Variants in DOCK3 observed in about 807,000 individuals in gnomAD.
DOCK3 encodes the protein dedicator of cytokinesis 3.
DOCK3 carries 60 observed loss-of-function variants against 265.6 expected under a neutral mutation model. The ratio of observed to expected loss-of-function variants is 0.23; its 90% confidence interval spans 0.18 to 0.28. The LOEUF (loss-of-function observed/expected upper bound fraction) is 0.28, where lower values mean the gene tolerates loss of function less well. Among genes scored for constraint, DOCK3 ranks in the 10% least tolerant of loss-of-function variants. DOCK3 has a pLI of 1.00. For synonymous variants in DOCK3, 881 were observed against 938.0 expected, an observed-to-expected ratio of 0.94 and a Z score of 1.11; for missense variants, 1,981 against 2,594.3, an observed-to-expected ratio of 0.76 and a Z score of 5.14.
chr3:50,776,868 A>ACC (rs2041631543), intron 1 of DOCK3, among the ~76,000 whole-genome samples: 1 of 152,250 alleles, frequency 6.6e-6, no homozygotes, highest in South Asian at 2.1e-4. Context: ...ATAAAGACAT[A>ACC]CCCAAGACTG....
intron 5 of DOCK3, among the ~76,000 whole-genome samples, chr3:50,999,059 A>G (rs1011954698): frequency 6.6e-6 from 1 of 152,228 alleles, no homozygotes; most frequent in Non-Finnish European, 1.5e-5. Context: ...AGTTAAAATT[A>G]TAGCTTATTG....
intron 1 of DOCK3, among the ~76,000 whole-genome samples, chr3:50,773,344 T>C (rs756383997): frequency 6.6e-6 from 1 of 151,592 alleles, no homozygotes; most frequent in African/African-American, 2.4e-5. Flanking sequence ...TAGAGGAAAA[T>C]GGGAAGCACT....
At chr3:51,337,666 C>T (rs1267201670) in intron 35 of DOCK3, among the ~76,000 whole-genome samples, 1 of 152,202 alleles carries the variant, frequency 6.6e-6, no homozygotes, top group Admixed American at 6.5e-5. Context: ...CTGCTCCTTT[C>T]CAGAGGAGCT....
intron 5 of DOCK3, among the ~76,000 whole-genome samples, chr3:51,048,039 C>T (rs1020512419): frequency 6.6e-6 from 1 of 152,032 alleles, no homozygotes; most frequent in African/African-American, 2.4e-5. Context: ...TACATCAAAC[C>T]AGTAATCCTG....
At chr3:51,338,475 C>T (rs993264059) in intron 36 of DOCK3, 56 bp downstream of exon 36, 3 of 1,541,706 alleles carry the variant, frequency 1.9e-6, no homozygotes, top group Admixed American at 2.0e-5. Context: ...TTCTGTCCTG[C>T]ACTGTGATTG....
intron 21 of DOCK3, among the ~76,000 whole-genome samples, chr3:51,240,246 T>G (rs2078550338): frequency 6.6e-6 from 1 of 152,208 alleles, no homozygotes; most frequent in South Asian, 2.1e-4. Flanking sequence ...TCCATGTAAT[T>G]TTATGGTTTT....
At chr3:51,260,841 G>C (rs1301394548) in intron 23 of DOCK3, among the ~76,000 whole-genome samples, 2 of 151,794 alleles carry the variant, frequency 1.3e-5, no homozygotes, top group Non-Finnish European at 2.9e-5. Flanking sequence ...AAAATTAGCT[G>C]GGTGTGCTAG....
intron 22 of DOCK3, among the ~76,000 whole-genome samples, chr3:51,249,406 C>G (rs1260464060): frequency 7.2e-6 from 1 of 137,990 alleles, no homozygotes; most frequent in Non-Finnish European, 1.6e-5. Context: ...GGCCAGCCGC[C>G]CCGTCCGGGA....
At chr3:51,035,008 T>G (rs1445126492) in intron 5 of DOCK3, among the ~76,000 whole-genome samples, 2 of 152,072 alleles carry the variant, frequency 1.3e-5, no homozygotes, top group African/African-American at 2.4e-5. Flanking sequence ...CTTTATTTTT[T>G]TATATTTAGT....
intron 1 of DOCK3, among the ~76,000 whole-genome samples, chr3:50,722,771 T>TTG (rs1268871662): frequency 2.0e-5 from 3 of 148,684 alleles, no homozygotes. Context: ...TTTTTCTTGT[T>TTG]TTTTTTTTTT....
intron 1 of DOCK3, among the ~76,000 whole-genome samples, chr3:50,757,163 C>CA (rs2040207786): frequency 1.2e-5 from 1 of 81,626 alleles, no homozygotes; most frequent in Non-Finnish European, 2.1e-5. Context: ...AGATTGTCGT[C>CA]TTTTTTTTTT....
chr3:51,172,269 G>A (rs1411353387), intron 12 of DOCK3, among the ~76,000 whole-genome samples: 3 of 151,730 alleles, frequency 2.0e-5, no homozygotes, highest in African/African-American at 4.8e-5. Context: ...TCCGCCTCCC[G>A]GGTTCCAGCA....
intron 5 of DOCK3, among the ~76,000 whole-genome samples, chr3:50,954,954 T>G (rs892586847): frequency 2.6e-5 from 4 of 152,166 alleles, no homozygotes; most frequent in African/African-American, 9.7e-5. Flanking sequence ...TTTGCAGTTT[T>G]GGTTTTACAT....
Position 51,374,093 on chromosome 3 carries a change from A to C in DOCK3, c.5294-376A>C, listed in dbSNP as rs933639368. ...CTCCATTGCAAGCTGGCCTGTTCCC[A>C]TGCCTGGACCCCAGGAGAGCCCAGC... On this transcript the variant is annotated intron_variant, in intron 49 of 52. Transcript: ENST00000266037. This position sits in a 1 kb window ranked among gnomAD's most constrained non-coding sequence, Gnocchi z 4.8. Among the ~76,000 whole-genome samples the C allele has an allele frequency of 6.6e-6, 1 of 152,178 alleles. No homozygotes were observed. The highest frequency in any genetic ancestry group is 1.5e-5 in the Non-Finnish European group (1 of 68,022).
chr3:51,100,985 T>G (rs1426520220), intron 9 of DOCK3, among the ~76,000 whole-genome samples: 1 of 151,274 alleles, frequency 6.6e-6, no homozygotes, highest in South Asian at 2.1e-4. Context: ...TTTTTTTTTT[T>G]GTAGAGATGA....
At chr3:51,072,881 T>G (rs1036606032) in intron 6 of DOCK3, among the ~76,000 whole-genome samples, 6 of 151,800 alleles carry the variant, frequency 4.0e-5, no homozygotes, top group Non-Finnish European at 2.9e-5. Flanking sequence ...AATTTTTTTT[T>G]TTTTTTTTTA....
In DOCK3 at chr3:51,194,561, T is replaced by C. The variant is rs1012423709; in HGVS notation, c.1038-14213T>C. 5.9e-5 allele frequency among the ~76,000 whole-genome samples: 9 copies of C among 152,282 alleles called. No individual in the cohort carries two copies. In the South Asian group the frequency reaches 1.7e-3, roughly 28 times the overall value. ...ATCTCTCTCTTTAGCTTTAATGATA[T>C]TTTCTTTATGAATCCAGGTGTTCCA... On this transcript the variant is annotated intron_variant, in intron 12 of 52. Transcript: ENST00000266037.
chr3:51,028,837 T>G (rs951705932), intron 5 of DOCK3, among the ~76,000 whole-genome samples: 4 of 152,216 alleles, frequency 2.6e-5, no homozygotes, highest in African/African-American at 9.6e-5. Flanking sequence ...GACTTTGTAT[T>G]GAATTTCAAC....
rs529217506 is a variant in DOCK3 at position 50,751,334 on chromosome 3, C to A, written c.38-27341C>A. Among the ~76,000 whole-genome samples the A allele has an allele frequency of 4.6e-5, 7 of 151,788 alleles. No homozygotes were observed. In the South Asian group the frequency reaches 1.5e-3, roughly 32 times the overall value. On this transcript the variant is annotated intron_variant, in intron 1 of 52. Coordinates refer to ENST00000266037, the MANE Select transcript of DOCK3 (RefSeq NM_004947.5). ...GCTTGTTGCATAGGTATACATGTGC[C>A]ATGGTGGTTTGCTGTACCTATCAAC...
Sources: allele counts gnomAD v4.1 joint callset (sites outside exome capture counted in the v4.1 genomes callset), GRCh38; gene constraint gnomAD v4.1.1; non-coding constraint Gnocchi (gnomAD v3.1); transcripts MANE v1.5; gene names NCBI Gene and HGNC (gene_info 2026-07-23, HGNC 2026-07-21).